ADGRL4: variants seen among roughly 807,000 people sequenced by gnomAD.
The protein encoded by ADGRL4 is adhesion G protein-coupled receptor L4.
In ADGRL4, 90 loss-of-function variants were observed where a neutral mutation model predicts 74.8. The ratio of observed to expected loss-of-function variants is 1.20; its 90% CI spans 1.02 to 1.43. The LOEUF is 1.43. ADGRL4 is among the 40% of genes most tolerant of loss of function. The pLI, the probability that ADGRL4 is intolerant of heterozygous loss-of-function variation, is 0.00. For missense variants in ADGRL4, 881 were observed against 814.3 expected (o/e 1.08, Z -1.00); for synonymous variants, 311 against 279.2 (o/e 1.11, Z -1.14).
chr1:78,963,391 G>A (rs1482029684), intron 2 of ADGRL4, among the ~76,000 whole-genome samples: 5 of 152,082 alleles, frequency 3.3e-5, no homozygotes, highest in Non-Finnish European at 7.3e-5. Context: ...ACTTCTCTGA[G>A]CCCAGAAAGG....
intron 3 of ADGRL4, among the ~76,000 whole-genome samples, chr1:78,945,356 A>T (rs1202535281): frequency 6.6e-6 from 1 of 151,782 alleles, no homozygotes; most frequent in East Asian, 1.9e-4. Context: ...TGGCTACATG[A>T]TTACATTCTC....
intron 2 of ADGRL4, among the ~76,000 whole-genome samples, chr1:78,965,217 G>A (rs1461124021): frequency 2.0e-5 from 3 of 152,036 alleles, no homozygotes; most frequent in African/African-American, 4.8e-5. Flanking sequence ...AATCTTGAAA[G>A]CAATCATATA....
At chr1:78,914,727 T>G (rs1021187200) in intron 12 of ADGRL4, among the ~76,000 whole-genome samples, 3 of 151,884 alleles carry the variant, frequency 2.0e-5, no homozygotes, top group Non-Finnish European at 4.4e-5. Context: ...TGTTTACTTC[T>G]TTTTCCTTTC....
chr1:78,935,583 C>T (rs1272174296), intron 7 of ADGRL4, among the ~76,000 whole-genome samples: 6 of 151,258 alleles, frequency 4.0e-5, no homozygotes, highest in Admixed American at 4.0e-4. Flanking sequence ...CTTCCTCACA[C>T]AATCACAAAT....
chr1:78,913,424 C>A (rs1055348863), intron 12 of ADGRL4, among the ~76,000 whole-genome samples: 1 of 151,928 alleles, frequency 6.6e-6, no homozygotes, highest in Non-Finnish European at 1.5e-5. Flanking sequence ...GCATATACAC[C>A]GTGGAATACT....
intron 2 of ADGRL4, among the ~76,000 whole-genome samples, chr1:78,986,186 C>T (rs1170057618): frequency 1.3e-5 from 2 of 151,492 alleles, no homozygotes; most frequent in Non-Finnish European, 3.0e-5. Context: ...AGGTTAAAAA[C>T]AATAATAATA....
intron 7 of ADGRL4, among the ~76,000 whole-genome samples, chr1:78,927,458 A>G (rs543370435): frequency 6.6e-6 from 1 of 152,264 alleles, no homozygotes; most frequent in South Asian, 2.1e-4. Flanking sequence ...GTATAAATAT[A>G]TGAACTTAAG....
At chr1:78,904,093 T>C (rs745863179) in intron 12 of ADGRL4, among the ~76,000 whole-genome samples, 3 of 151,370 alleles carry the variant, frequency 2.0e-5, no homozygotes, top group Non-Finnish European at 2.9e-5. Context: ...GGAAAACAAA[T>C]AGAATAATGG....
intron 2 of ADGRL4, among the ~76,000 whole-genome samples, chr1:78,988,011 G>C (rs143256957): frequency 2.0e-5 from 3 of 150,186 alleles, no homozygotes; most frequent in African/African-American, 7.3e-5. Flanking sequence ...TTTTGTTTCT[G>C]TAATTTAGGA....
chr1:79,002,688 C>T (rs1001088485), intron 2 of ADGRL4, among the ~76,000 whole-genome samples: 1 of 152,016 alleles, frequency 6.6e-6, no homozygotes, highest in Non-Finnish European at 1.5e-5. Flanking sequence ...TTTGATTCCA[C>T]AGCCTGTACT....
intron 14 of ADGRL4, 79 bp from the exon 15 acceptor site, chr1:78,891,295 T>G: frequency 7.0e-7 from 1 of 1,428,078 alleles, no homozygotes; most frequent in Non-Finnish European, 9.6e-7. Context: ...CACAATAAAT[T>G]GTTACATATG....
chr1:78,943,197 A>T (rs898325380), intron 3 of ADGRL4, among the ~76,000 whole-genome samples: 10 of 152,206 alleles, frequency 6.6e-5, no homozygotes, highest in African/African-American at 2.4e-4. Context: ...TACAATTATC[A>T]TCGAGTGCTC....
At chr1:78,962,429 A>G (rs1649973292) in intron 2 of ADGRL4, among the ~76,000 whole-genome samples, 1 of 152,104 alleles carries the variant, frequency 6.6e-6, no homozygotes, top group African/African-American at 2.4e-5. Context: ...GCCTACTCAT[A>G]TATGCCTTTA....
At chr1:78,979,344 C>T (rs566200133) in intron 2 of ADGRL4, among the ~76,000 whole-genome samples, 1 of 152,034 alleles carries the variant, frequency 6.6e-6, no homozygotes, top group South Asian at 2.1e-4. Context: ...CACATGACCA[C>T]GTTCTTCTTC....
chr1:78,955,445 C>T (rs1570252511), intron 2 of ADGRL4, among the ~76,000 whole-genome samples: 1 of 152,030 alleles, frequency 6.6e-6, no homozygotes, highest in African/African-American at 2.4e-5. Flanking sequence ...TTTTTGTAAT[C>T]ATGTCTTGCA....
At chr1:78,980,708 C>A (rs1390802625) in intron 2 of ADGRL4, among the ~76,000 whole-genome samples, 1 of 151,882 alleles carries the variant, frequency 6.6e-6, no homozygotes, top group Non-Finnish European at 1.5e-5. Context: ...AATCGCAAGG[C>A]TGGAAATGAA....
chr1:78,953,723 A>G (rs1029003558), intron 2 of ADGRL4, among the ~76,000 whole-genome samples: 1 of 152,202 alleles, frequency 6.6e-6, no homozygotes, highest in Non-Finnish European at 1.5e-5. Context: ...TTAGATGGAG[A>G]GGTAAAAATG....
Position 78,890,364 on chromosome 1 carries a change from C to A in ADGRL4, c.*790G>T, listed in dbSNP as rs887187994. The A allele has an allele frequency of 1.3e-5, 2 of 151,668 alleles. No homozygotes were observed. Among genetic ancestry groups the A allele is most frequent in the Non-Finnish European group, 2.9e-5 (2 of 67,914 alleles). The allele number at this position is 151,668 out of a possible 1,614,324, so 9.4% of individuals were successfully genotyped here. ...GTATAAACAATATTATATCTTGACA[C>A]ATTTATATTTTACTGATTAACTATC... On this transcript the variant is annotated 3_prime_UTR_variant, in exon 15 of 15. Transcript: ENST00000370742.
At chr1:78,987,334 C>G (rs967467091) in intron 2 of ADGRL4, among the ~76,000 whole-genome samples, 1 of 151,682 alleles carries the variant, frequency 6.6e-6, no homozygotes, top group African/African-American at 2.4e-5. Context: ...AAAATGGTAA[C>G]ATTTCTTCAT....
Sources: allele counts gnomAD v4.1 joint callset (sites outside exome capture counted in the v4.1 genomes callset), GRCh38; gene constraint gnomAD v4.1.1; transcripts MANE v1.5; gene names NCBI Gene and HGNC (gene_info 2026-07-23, HGNC 2026-07-21).